The following WWOX variants were observed in gnomAD, a reference collection of about 807,000 sequenced individuals.
The protein encoded by WWOX is WW domain-containing oxidoreductase.
Under a neutral mutation model 46.2 loss-of-function variants are expected in WWOX, and 69 were observed. The ratio of observed to expected loss-of-function variants is 1.49; its 90% confidence interval spans 1.23 to 1.82. WWOX has a LOEUF of 1.82. WWOX is among the 40% of genes most tolerant of loss of function. The probability of loss-of-function intolerance (pLI) is 0.00; values close to 1 mark genes in which losing one functional copy is unlikely to be tolerated. For synonymous variants in WWOX, 359 were observed against 202.6 expected, an observed-to-expected ratio of 1.77 and a Z score of -6.56; for missense variants, 919 against 542.6, an observed-to-expected ratio of 1.69 and a Z score of -6.89.
At chr16:78,894,887 T>G (rs975960060) in intron 8 of WWOX, among the ~76,000 whole-genome samples, 3 of 152,278 alleles carry the variant, frequency 2.0e-5, no homozygotes, top group Middle Eastern at 3.4e-3. Flanking sequence ...AACTCAGTTC[T>G]CGGAATTTTC....
At chr16:79,156,564 G>C (rs1181596933) in intron 8 of WWOX, among the ~76,000 whole-genome samples, 1 of 152,168 alleles carries the variant, frequency 6.6e-6, no homozygotes, top group Non-Finnish European at 1.5e-5. Flanking sequence ...TTAAGCTTCA[G>C]AAGATTAGTA....
At chr16:78,243,707 C>G (rs1054748707) in intron 5 of WWOX, among the ~76,000 whole-genome samples, 1 of 152,116 alleles carries the variant, frequency 6.6e-6, no homozygotes, top group East Asian at 1.9e-4. Context: ...CCACCATGCC[C>G]GGCTAAGTTT....
chr16:78,228,312 C>T (rs1001294977), intron 5 of WWOX, among the ~76,000 whole-genome samples: 6 of 149,340 alleles, frequency 4.0e-5, no homozygotes, highest in African/African-American at 9.8e-5. Context: ...TAGACATTTA[C>T]ATGAGTCAAT....
intron 8 of WWOX, among the ~76,000 whole-genome samples, chr16:78,516,249 A>C (rs565808233): frequency 1.3e-5 from 2 of 152,246 alleles, no homozygotes; most frequent in South Asian, 4.1e-4. Flanking sequence ...CATCTATGCC[A>C]AATGCAGGGA....
At chr16:78,619,513 A>G (rs910631333) in intron 8 of WWOX, among the ~76,000 whole-genome samples, 5 of 151,694 alleles carry the variant, frequency 3.3e-5, no homozygotes, top group African/African-American at 7.3e-5. Flanking sequence ...ACCTCCTCCT[A>G]TCCCCTTTCA....
At chr16:78,758,943 A>C (rs934828223) in intron 8 of WWOX, among the ~76,000 whole-genome samples, 2 of 151,780 alleles carry the variant, frequency 1.3e-5, no homozygotes, top group Admixed American at 6.6e-5. Flanking sequence ...AAGACAAAAA[A>C]AAAAAAAACA....
In WWOX at chr16:78,909,667, C is replaced by T. The variant is rs905538041; in HGVS notation, c.1057-301941C>T. Among the ~76,000 whole-genome samples, 4 of 152,166 alleles carry T rather than the reference C, an allele frequency of 2.6e-5. No homozygotes were observed. In the East Asian group the frequency reaches 7.7e-4, roughly 29 times the overall value. On this transcript the variant is annotated intron_variant, in intron 8 of 8. Coordinates refer to ENST00000566780, the MANE Select transcript of WWOX (RefSeq NM_016373.4). ...TCTTTCATTCCCTGACCTCTGTGTC[C>T]ATCCCACTAATATATTTCTTACCAG...
chr16:79,006,986 GT>G (rs2047203649), intron 8 of WWOX, among the ~76,000 whole-genome samples: 1 of 152,106 alleles, frequency 6.6e-6, no homozygotes, highest in African/African-American at 2.4e-5. Context: ...ATTTCCCTTT[GT>G]CGCGTAACCT....
chr16:78,588,849 G>A (rs2045283927), intron 8 of WWOX, among the ~76,000 whole-genome samples: 1 of 152,168 alleles, frequency 6.6e-6, no homozygotes, highest in Non-Finnish European at 1.5e-5. Context: ...CCAGGGTGGT[G>A]GTAGTGGTGA....
chr16:78,505,073 A>G (rs908332011), intron 8 of WWOX, among the ~76,000 whole-genome samples: 26 of 151,930 alleles, frequency 1.7e-4, no homozygotes, highest in Non-Finnish European at 7.4e-5. Flanking sequence ...TTGTTCCTGA[A>G]TTTTTCTGAG....
chr16:78,121,296 A>T (rs979978110), intron 4 of WWOX, among the ~76,000 whole-genome samples: 3 of 152,230 alleles, frequency 2.0e-5, no homozygotes, highest in Non-Finnish European at 4.4e-5. Context: ...GCTAAATTAT[A>T]CCCAGGTATT....
At chr16:79,089,798 G>T (rs1055493364) in intron 8 of WWOX, among the ~76,000 whole-genome samples, 6 of 152,126 alleles carry the variant, frequency 3.9e-5, no homozygotes, top group African/African-American at 1.4e-4. Flanking sequence ...TTGGGAGGCT[G>T]TTCTGAGAAG....
intron 8 of WWOX, among the ~76,000 whole-genome samples, chr16:78,687,204 A>C (rs2047882712): frequency 1.3e-5 from 2 of 152,180 alleles, no homozygotes; most frequent in Non-Finnish European, 2.9e-5. Flanking sequence ...GTCTCTGTTC[A>C]TGATATAACA....
At chr16:79,069,272 T>C (rs2048503448) in intron 8 of WWOX, among the ~76,000 whole-genome samples, 1 of 152,192 alleles carries the variant, frequency 6.6e-6, no homozygotes, top group Admixed American at 6.5e-5. Flanking sequence ...GAGTTGCCAG[T>C]TCTCTTACGC....
intron 8 of WWOX, among the ~76,000 whole-genome samples, chr16:78,676,651 G>C (rs962356501): frequency 2.0e-5 from 3 of 152,100 alleles, no homozygotes; most frequent in Non-Finnish European, 4.4e-5. Context: ...CTGCATATTT[G>C]CATATTAAAC....
At chr16:78,600,193 G>A (rs957922748) in intron 8 of WWOX, among the ~76,000 whole-genome samples, 4 of 152,088 alleles carry the variant, frequency 2.6e-5, no homozygotes, top group Non-Finnish European at 5.9e-5. Context: ...TCATGATTCA[G>A]TTACGTTCCA....
intron 8 of WWOX, among the ~76,000 whole-genome samples, chr16:79,208,027 C>A (rs1386733067): frequency 6.6e-6 from 1 of 152,116 alleles, no homozygotes. Context: ...TTTCTAAATC[C>A]CACCTTTCTG....
At chr16:78,620,579 G>A (rs961532605) in intron 8 of WWOX, among the ~76,000 whole-genome samples, 1 of 152,014 alleles carries the variant, frequency 6.6e-6, no homozygotes, top group African/African-American at 2.4e-5. Context: ...ACCTTATCTG[G>A]GACTCTTGTC....
chr16:79,121,780 G>A (rs1214459594), intron 8 of WWOX, among the ~76,000 whole-genome samples: 3 of 152,092 alleles, frequency 2.0e-5, no homozygotes, highest in Admixed American at 6.5e-5. Flanking sequence ...TGCCAGATAA[G>A]GTCCATTACT....
Sources: gnomAD v4.1 joint callset for allele counts (sites outside exome capture counted in the v4.1 genomes callset) on GRCh38, gnomAD v4.1.1 for gene constraint, MANE v1.5 for transcripts, NCBI Gene and HGNC (gene_info 2026-07-23, HGNC 2026-07-21) for gene names.